The following CSTPP1 variants were observed in gnomAD, a reference collection of about 807,000 sequenced individuals.
The protein encoded by CSTPP1 is UPF0705 protein C11orf49.
At chr11:47,018,543 T>C in the CSTPP1 span, among the ~76,000 whole-genome samples, 1 of 152,136 alleles carries the variant, frequency 6.6e-6, no homozygotes, top group Non-Finnish European at 1.5e-5. Context: ...TCCACCTGCC[T>C]CTGCCTCCCA....
the CSTPP1 span, among the ~76,000 whole-genome samples, chr11:47,141,860 G>C: frequency 6.7e-6 from 1 of 148,456 alleles, no homozygotes; most frequent in Non-Finnish European, 1.5e-5. Context: ...TTGAACCCGG[G>C]AGGTGGAGGT....
At chr11:47,054,383 T>A in the CSTPP1 span, among the ~76,000 whole-genome samples, 1 of 150,784 alleles carries the variant, frequency 6.6e-6, no homozygotes, top group Non-Finnish European at 1.5e-5. Flanking sequence ...ATGATCATAG[T>A]TCACTATAAC....
At chr11:46,948,118 C>T in the CSTPP1 span, 30 of 456,128 alleles carry the variant, frequency 6.6e-5, no homozygotes, top group Non-Finnish European at 1.2e-4. Context: ...CTGCCAGAAC[C>T]GGTCGGCTCC....
the CSTPP1 span, among the ~76,000 whole-genome samples, chr11:47,002,956 C>T: frequency 6.6e-6 from 1 of 152,222 alleles, no homozygotes; most frequent in South Asian, 2.1e-4. Context: ...ATCAAGTACA[C>T]TCACACGAGT....
chr11:47,086,804 G>C, the CSTPP1 span, among the ~76,000 whole-genome samples: 3 of 152,190 alleles, frequency 2.0e-5, no homozygotes, highest in African/African-American at 7.2e-5. Context: ...AGTGATAACT[G>C]TGAAGGGGGT....
chr11:47,131,764 G>A, the CSTPP1 span, among the ~76,000 whole-genome samples: 1 of 152,014 alleles, frequency 6.6e-6, no homozygotes, highest in African/African-American at 2.4e-5. Flanking sequence ...ATCACCTGAG[G>A]TCAGGAGTTC....
At chr11:47,076,200 C>G in the CSTPP1 span, among the ~76,000 whole-genome samples, 1 of 152,172 alleles carries the variant, frequency 6.6e-6, no homozygotes, top group African/African-American at 2.4e-5. Flanking sequence ...CAATGTCTAT[C>G]TGCTAAATGT....
the CSTPP1 span, among the ~76,000 whole-genome samples, chr11:47,136,401 C>A: frequency 6.6e-6 from 1 of 152,176 alleles, no homozygotes; most frequent in Non-Finnish European, 1.5e-5. Flanking sequence ...GAGAGTGCCA[C>A]AAAACCATCT....
the CSTPP1 span, chr11:47,123,044 T>C: frequency 6.6e-6 from 1 of 152,214 alleles, no homozygotes; most frequent in African/African-American, 2.4e-5. Context: ...CATGGAACCA[T>C]ACTCTATATG....
chr11:46,975,774 T>A, the CSTPP1 span, among the ~76,000 whole-genome samples: 3 of 152,164 alleles, frequency 2.0e-5, no homozygotes, highest in African/African-American at 7.2e-5. Flanking sequence ...AGATAAACAA[T>A]ATGATCTGAA....
At chr11:46,968,226 C>A in the CSTPP1 span, among the ~76,000 whole-genome samples, 1 of 151,638 alleles carries the variant, frequency 6.6e-6, no homozygotes, top group Non-Finnish European at 1.5e-5. Flanking sequence ...GGGCCTAGCG[C>A]AGGAACTCAG....
the CSTPP1 span, among the ~76,000 whole-genome samples, chr11:47,147,073 G>C: frequency 1.3e-5 from 2 of 152,224 alleles, no homozygotes; most frequent in African/African-American, 4.8e-5. Context: ...GGATGAGGGA[G>C]GGGTGCACAG....
the CSTPP1 span, among the ~76,000 whole-genome samples, chr11:47,053,378 G>C: frequency 1.5e-3 from 221 of 152,244 alleles, 2 homozygotes; most frequent in Non-Finnish European, 1.5e-3. Context: ...CAGCACTTTG[G>C]GATGCCAAGG....
the CSTPP1 span, chr11:46,987,258 G>C: frequency 9.3e-6 from 15 of 1,614,074 alleles, no homozygotes; most frequent in Non-Finnish European, 1.3e-5. Flanking sequence ...CCAGCTGCTA[G>C]AAAACAGGGA....
the CSTPP1 span, chr11:46,987,327 T>C: frequency 6.2e-7 from 1 of 1,602,618 alleles, no homozygotes; most frequent in South Asian, 1.1e-5. Flanking sequence ...ACATGAATGT[T>C]GTACTAATAC....
At chr11:46,936,898 T>C in the CSTPP1 span, 1 of 1,514,172 alleles carries the variant, frequency 6.6e-7, no homozygotes, top group East Asian at 2.6e-5. Flanking sequence ...TGCAGACGAA[T>C]TAGGCCAGGG....
chr11:47,071,018 A>G, the CSTPP1 span, among the ~76,000 whole-genome samples: 1 of 152,078 alleles, frequency 6.6e-6, no homozygotes, highest in Non-Finnish European at 1.5e-5. Context: ...TGTCTGTCAC[A>G]GTCCTGCCCA....
chr11:47,101,116 A>G, the CSTPP1 span, among the ~76,000 whole-genome samples: 1 of 142,568 alleles, frequency 7.0e-6, no homozygotes, highest in Non-Finnish European at 1.5e-5. Context: ...CTTCTACCTC[A>G]GCCTTCTGAA....
the CSTPP1 span, among the ~76,000 whole-genome samples, chr11:46,944,243 G>A: frequency 2.1e-5 from 3 of 142,892 alleles, no homozygotes; most frequent in African/African-American, 7.8e-5. Flanking sequence ...GCTTGAACCC[G>A]GGAGGAGGAG....
Sources: allele counts gnomAD v4.1 joint callset (sites outside exome capture counted in the v4.1 genomes callset), GRCh38; gene constraint gnomAD v4.1.1; transcripts MANE v1.5; gene names NCBI Gene and HGNC (gene_info 2026-07-23, HGNC 2026-07-21).